ARHGEF7: variants seen among roughly 807,000 people sequenced by gnomAD.
ARHGEF7 encodes the protein Rho guanine nucleotide exchange factor 7.
ARHGEF7 carries 33 observed loss-of-function variants against 109.8 expected under a neutral mutation model. That is an observed-to-expected ratio of 0.30 (90% CI 0.23 to 0.40). The LOEUF is 0.40. Ranked by LOEUF, ARHGEF7 falls within the 10% of genes least tolerant of loss-of-function variation. ARHGEF7 has a pLI of 1.00. For synonymous variants in ARHGEF7, 458 were observed against 424.6 expected (o/e 1.08, Z -0.97); for missense variants, 938 against 1,098.5 (o/e 0.85, Z 2.07).
At chr13:111,244,163 T>G in intron 7 of ARHGEF7, 36 bp from the exon 8 acceptor site, 1 of 1,458,938 alleles carries the variant, frequency 6.9e-7, no homozygotes, top group South Asian at 1.2e-5. Context: ...AATAAAACTG[T>G]TTACATATGT....
chr13:111,148,276 AAGGCAT>A, intron 1 of ARHGEF7, among the ~76,000 whole-genome samples: 1 of 152,386 alleles, frequency 6.6e-6, no homozygotes, highest in African/African-American at 2.4e-5. Flanking sequence ...ATCAGGGACA[AAGGCAT>A]AGACCCAAGG....
At chr13:111,299,452 C>G (rs2093508761) in intron 19 of ARHGEF7, among the ~76,000 whole-genome samples, 1 of 149,786 alleles carries the variant, frequency 6.7e-6, no homozygotes, top group South Asian at 2.1e-4. Flanking sequence ...ACACCATTCT[C>G]CTGCCTCAGC....
At chr13:111,268,446 A>G (rs1392661580) in intron 9 of ARHGEF7, among the ~76,000 whole-genome samples, 1 of 152,252 alleles carries the variant, frequency 6.6e-6, no homozygotes, top group Non-Finnish European at 1.5e-5. Flanking sequence ...TCAAAACCAT[A>G]AATGGAAAAG....
chr13:111,115,387 G>C lies in ARHGEF7; in HGVS notation c.-140G>C. On this transcript the variant is annotated 5_prime_UTR_variant, in exon 1 of 22. Coordinates refer to ENST00000646102, the MANE Select transcript of ARHGEF7 (RefSeq NM_001354046.2). ...CGGAGAAGCGGGCCGGGCCGGACCT[G>C]CTGGGCCGCGCCGAGCCAATCGCCG... 1 of 495,930 alleles carries C rather than the reference G, an allele frequency of 2.0e-6. No individual in the cohort carries two copies. The highest frequency in any genetic ancestry group is 2.6e-6 in the Non-Finnish European group (1 of 385,550). 30.7% of individuals were successfully genotyped at this position (495,930 alleles called of 1,614,324 possible).
intron 8 of ARHGEF7, among the ~76,000 whole-genome samples, chr13:111,253,740 C>G (rs1381884642): frequency 1.3e-5 from 2 of 152,174 alleles, no homozygotes; most frequent in African/African-American, 4.8e-5. Flanking sequence ...GACCATTTCA[C>G]CATTCCTGCT....
intron 19 of ARHGEF7, 42 bp from the exon 20 acceptor site, chr13:111,300,706 G>T: frequency 7.5e-7 from 1 of 1,326,036 alleles, no homozygotes; most frequent in East Asian, 2.4e-5. Flanking sequence ...TTCTGCCATG[G>T]TATTCGCCTG....
At position 111,233,228 on chromosome 13, in the gene ARHGEF7, G is replaced by A; in HGVS notation, c.694G>A (p.Gly232Arg). ...ASEKPVSPKSGTLKSPPKGFD... is the reference protein window; with the variant it reads ...ASEKPVSPKSRTLKSPPKGFD... ...AGAGAAGCCTGTGTCTCCCAAATCA[G>A]GAACACTGAAGAGCCCTCCCAAAGG... Residue 232 changes from glycine (G) to arginine (R), a missense_variant, in exon 6 of 22, where the codon GGA becomes AGA. By Grantham distance (125) the Gly-to-Arg change is moderately radical. Coordinates refer to ENST00000646102, the MANE Select transcript of ARHGEF7 (RefSeq NM_001354046.2). The A allele has an allele frequency of 6.2e-7, 1 of 1,614,018 alleles. No homozygotes were observed. The highest frequency in any genetic ancestry group is 8.5e-7 in the Non-Finnish European group (1 of 1,179,918).
intron 6 of ARHGEF7, among the ~76,000 whole-genome samples, chr13:111,234,317 C>T (rs950443045): frequency 4.6e-5 from 7 of 152,160 alleles, no homozygotes; most frequent in Admixed American, 6.5e-5. Flanking sequence ...TCTTGTGCTG[C>T]GGGGCTTGCA....
At chr13:111,123,864 C>CCCT (rs1555339508) in intron 1 of ARHGEF7, among the ~76,000 whole-genome samples, 1 of 32,776 alleles carries the variant, frequency 3.1e-5, no homozygotes, top group African/African-American at 1.4e-4. Flanking sequence ...TGGGCTGCGC[C>CCCT]CCCCCCCCCC....
chr13:111,275,978 C>G, intron 12 of ARHGEF7: 2 of 373,436 alleles, frequency 5.4e-6, no homozygotes, highest in East Asian at 6.2e-5. Flanking sequence ...GTGCACACAT[C>G]CGCATGGAGC....
In ARHGEF7 at chr13:111,153,999, C is replaced by T. The variant is rs1039962501; in HGVS notation, c.252+8C>T. 1 of 1,594,174 alleles carries T rather than the reference C, an allele frequency of 6.3e-7. No homozygotes were observed. Among genetic ancestry groups the T allele is most frequent in the Non-Finnish European group, 8.5e-7 (1 of 1,173,798 alleles). On this transcript the variant is annotated splice_region_variant and intron_variant, in intron 2 of 21. Coordinates refer to ENST00000646102, the MANE Select transcript of ARHGEF7 (RefSeq NM_001354046.2). ...GCTTCCCTGCGGCTGGAGGTGAGCGCGGGCGGCCACGGGCCGAGGGAGGGG... is the reference window on the plus strand; with the variant it reads ...GCTTCCCTGCGGCTGGAGGTGAGCGTGGGCGGCCACGGGCCGAGGGAGGGG...
intron 2 of ARHGEF7, among the ~76,000 whole-genome samples, chr13:111,181,179 T>C (rs985269861): frequency 3.3e-5 from 5 of 152,222 alleles, no homozygotes; most frequent in African/African-American, 9.6e-5. Flanking sequence ...GTGAAATACA[T>C]TTTTTAGTGT....
At chr13:111,249,998 T>C (rs1359085160) in intron 8 of ARHGEF7, among the ~76,000 whole-genome samples, 1 of 152,212 alleles carries the variant, frequency 6.6e-6, no homozygotes, top group Non-Finnish European at 1.5e-5. Flanking sequence ...GGCAGTTACT[T>C]TCTATATGTT....
chr13:111,206,789 GTC>G (rs1356245404), intron 3 of ARHGEF7, among the ~76,000 whole-genome samples: 1 of 151,470 alleles, frequency 6.6e-6, no homozygotes, highest in African/African-American at 2.4e-5. Flanking sequence ...GTGAAACCCC[GTC>G]TCAACTAAAA....
chr13:111,166,114 A>C (rs1436313078), intron 2 of ARHGEF7, among the ~76,000 whole-genome samples: 1 of 152,156 alleles, frequency 6.6e-6, no homozygotes, highest in Non-Finnish European at 1.5e-5. Context: ...GGCTGTCCAC[A>C]TCCCTCACCT....
chr13:111,205,750 T>C (rs955348393), intron 3 of ARHGEF7, among the ~76,000 whole-genome samples: 3 of 152,114 alleles, frequency 2.0e-5, no homozygotes, highest in Non-Finnish European at 2.9e-5. Flanking sequence ...GGCAGAAGTT[T>C]TGAGCTGTGA....
intron 2 of ARHGEF7, among the ~76,000 whole-genome samples, chr13:111,195,734 G>A (rs2080423487): frequency 6.6e-6 from 1 of 152,176 alleles, no homozygotes; most frequent in Non-Finnish European, 1.5e-5. Context: ...TGAGGGGGTG[G>A]CTTCTCGTTG....
rs983930518 is a variant in ARHGEF7, at chr13:111,155,439, T to G, written c.252+1448T>G. Among the ~76,000 whole-genome samples, 6 of 152,346 alleles carry G rather than the reference T, an allele frequency of 3.9e-5. No homozygotes were observed. In the East Asian group the frequency reaches 1.2e-3, roughly 29 times the overall value. Reference sequence around the variant, plus strand: ...CAAAGAAATTTATTGTTGGTAGTATTTCATGTTGGCAAGGAAATTATTACA... The same window carrying G: ...CAAAGAAATTTATTGTTGGTAGTATGTCATGTTGGCAAGGAAATTATTACA... On this transcript the variant is annotated intron_variant, in intron 2 of 21. Transcript: ENST00000646102.
intron 1 of ARHGEF7, among the ~76,000 whole-genome samples, chr13:111,130,366 A>G (rs2153341407): frequency 6.6e-6 from 1 of 152,334 alleles, no homozygotes; most frequent in South Asian, 2.1e-4. Context: ...AATACGGCAT[A>G]TGACAGTCTT....
Sources: gnomAD v4.1 joint callset for allele counts (sites outside exome capture counted in the v4.1 genomes callset) on GRCh38, gnomAD v4.1.1 for gene constraint, MANE v1.5 for transcripts, NCBI Gene and HGNC (gene_info 2026-07-23, HGNC 2026-07-21) for gene names.